JAM2: variants seen among roughly 807,000 people sequenced by gnomAD.
The protein encoded by JAM2 is junctional adhesion molecule 2.
A neutral mutation model predicts 42.0 loss-of-function variants in JAM2; 17 were observed. The ratio of observed to expected loss-of-function variants is 0.40; its 90% CI spans 0.28 to 0.61. JAM2 has a LOEUF of 0.61. Among genes scored for constraint, JAM2 ranks in the 20% least tolerant of loss-of-function variants. The pLI is 0.37. For synonymous variants in JAM2, 118 were observed against 128.6 expected (o/e 0.92, Z 0.56); for missense variants, 319 against 358.3 (o/e 0.89, Z 0.89).
At chr21:25,695,702 C>A (rs907152570) in intron 4 of JAM2, among the ~76,000 whole-genome samples, 13 of 151,708 alleles carry the variant, frequency 8.6e-5, no homozygotes, top group African/African-American at 3.1e-4. Flanking sequence ...GGGCTCCTCA[C>A]TTTCCAGATG....
At chr21:25,680,086 T>A (rs1281998549) in intron 1 of JAM2, among the ~76,000 whole-genome samples, 1 of 152,194 alleles carries the variant, frequency 6.6e-6, no homozygotes, top group Non-Finnish European at 1.5e-5. Flanking sequence ...TTAATAAATG[T>A]TAGCTATTAT....
intron 1 of JAM2, among the ~76,000 whole-genome samples, chr21:25,682,412 A>C (rs2033655534): frequency 6.6e-6 from 1 of 152,220 alleles, no homozygotes; most frequent in African/African-American, 2.4e-5. Flanking sequence ...TTTACAGCAT[A>C]AAAGCAAGTA....
chr21:25,671,455 A>G (rs565186584), intron 1 of JAM2, among the ~76,000 whole-genome samples: 1 of 152,178 alleles, frequency 6.6e-6, no homozygotes, highest in Admixed American at 6.5e-5. Flanking sequence ...GTATCCCTTT[A>G]TGTGCCTATT....
chr21:25,658,361 A>G (rs2032994591), intron 1 of JAM2, among the ~76,000 whole-genome samples: 1 of 152,146 alleles, frequency 6.6e-6, no homozygotes, highest in Non-Finnish European at 1.5e-5. Context: ...ATAGCCAACT[A>G]AATGTGTCTC....
intron 2 of JAM2, among the ~76,000 whole-genome samples, chr21:25,687,178 C>T (rs1179216530): frequency 2.0e-5 from 3 of 152,100 alleles, no homozygotes; most frequent in African/African-American, 7.2e-5. Flanking sequence ...AGAAATTCTT[C>T]AAGGGTGAAA....
chr21:25,661,878 G>A (rs1299173062), intron 1 of JAM2, among the ~76,000 whole-genome samples: 1 of 151,750 alleles, frequency 6.6e-6, no homozygotes, highest in Non-Finnish European at 1.5e-5. Flanking sequence ...TTCATTTTTA[G>A]CTAACATGAG....
chr21:25,660,771 TATATATATATA>T (rs1405717019), intron 1 of JAM2, among the ~76,000 whole-genome samples: 1 of 66,200 alleles, frequency 1.5e-5, no homozygotes, highest in African/African-American at 7.8e-5. Context: ...TATATATATA[TATATATATATA>T]TTTTTTTTTT....
intron 7 of JAM2, 114 bp from the exon 8 acceptor site, chr21:25,709,320 G>C: frequency 1.7e-6 from 1 of 586,122 alleles, no homozygotes. Flanking sequence ...ATAAACGTCA[G>C]CAAGTGAAGA....
chr21:25,696,170 G>T (rs1004853900), intron 4 of JAM2, among the ~76,000 whole-genome samples: 1 of 152,180 alleles, frequency 6.6e-6, no homozygotes, highest in Non-Finnish European at 1.5e-5. Context: ...CAGATCACTC[G>T]CGGTTAGGAG....
In JAM2 at chr21:25,703,087, G is replaced by A. The variant is rs569746574; in HGVS notation, c.697+818G>A. Among the ~76,000 whole-genome samples, 513 of 152,246 alleles carry A rather than the reference G, an allele frequency of 3.4e-3. 2 individuals carry two copies. The highest frequency in any genetic ancestry group is 0.011 in the African/African-American group (456 of 41,544). ...GGCTGCTCTCGAACTCCTGACCTCA[G>A]GTGATCCGCCCACCTTGGCCTCCCA... On this transcript the variant is annotated intron_variant, in intron 6 of 9. Coordinates refer to ENST00000480456, the MANE Select transcript of JAM2 (RefSeq NM_021219.4).
At chr21:25,670,370 G>A (rs769516670) in intron 1 of JAM2, among the ~76,000 whole-genome samples, 4 of 151,998 alleles carry the variant, frequency 2.6e-5, no homozygotes, top group Non-Finnish European at 5.9e-5. Flanking sequence ...CACAGTCCCA[G>A]CTACTCAGGA....
At chr21:25,678,658 A>G (rs2033555476) in intron 1 of JAM2, among the ~76,000 whole-genome samples, 1 of 152,224 alleles carries the variant, frequency 6.6e-6, no homozygotes, top group Non-Finnish European at 1.5e-5. Context: ...AGAAAGGATC[A>G]GTTCAGTCCT....
intron 5 of JAM2, among the ~76,000 whole-genome samples, chr21:25,699,585 T>TGGTGGCGGGCGC (rs1256089720): frequency 1.6e-4 from 25 of 151,518 alleles, no homozygotes; most frequent in Non-Finnish European, 2.9e-4. Flanking sequence ...TAGCCGGGCG[T>TGGTGGCGGGCGC]GGTGGCGGGC....
At chr21:25,670,095 T>C (rs1476672591) in intron 1 of JAM2, among the ~76,000 whole-genome samples, 2 of 152,210 alleles carry the variant, frequency 1.3e-5, no homozygotes, top group Non-Finnish European at 2.9e-5. Flanking sequence ...GCCATTTCAC[T>C]TGAGTTATAT....
At chr21:25,710,196 C>T (rs953346308) in intron 8 of JAM2, 1 of 152,010 alleles carries the variant, frequency 6.6e-6, no homozygotes, top group Non-Finnish European at 1.5e-5. Context: ...CTGTATTTTG[C>T]TAAATTGAAA....
rs1361108337 is a variant in JAM2 at position 25,706,163 on chromosome 21, AG to A, written c.805+79del. The A allele has an allele frequency of 8.3e-6, 8 of 961,364 alleles. No individual in the cohort carries two copies. The African/African-American group carries it at 1.2e-4, about 14-fold the overall frequency. The allele number at this position is 961,364 out of a possible 1,614,324, so 59.6% of individuals were successfully genotyped here. A position where few individuals can be genotyped will look rare whatever the true frequency, so the allele number is the denominator to read the frequency against. ...TTATTTATGAGATACTGTTTCTCCT[AG>A]GAAGTTGTTTTTTTGTTTGTTTGTT... On this transcript the variant is annotated intron_variant, in intron 7 of 9. Transcript: ENST00000480456.
chr21:25,712,238 T>G, intron 8 of JAM2, 102 bp from the exon 9 acceptor site: 1 of 806,514 alleles, frequency 1.2e-6, no homozygotes, highest in Non-Finnish European at 2.2e-6. Flanking sequence ...TTCATGTTCT[T>G]GCTGAGAAAA....
At chr21:25,684,513 A>G (rs2033706808) in intron 2 of JAM2, among the ~76,000 whole-genome samples, 1 of 151,200 alleles carries the variant, frequency 6.6e-6, no homozygotes, top group South Asian at 2.1e-4. Context: ...TTTTACGTTT[A>G]TTTTGCCACA....
chr21:25,714,411 T>A (rs2034441937), intron 9 of JAM2: 5 of 449,920 alleles, frequency 1.1e-5, no homozygotes, highest in Non-Finnish European at 2.0e-5. Context: ...GACAGGAGAA[T>A]CACTTGAACC....
Sources: gnomAD v4.1 joint callset for allele counts (sites outside exome capture counted in the v4.1 genomes callset) on GRCh38, gnomAD v4.1.1 for gene constraint, MANE v1.5 for transcripts, NCBI Gene and HGNC (gene_info 2026-07-23, HGNC 2026-07-21) for gene names.